The following PPP1R12A variants were observed in gnomAD, a reference collection of about 807,000 sequenced individuals.
PPP1R12A encodes myosin binding subunit.
A neutral mutation model predicts 139.6 loss-of-function variants in PPP1R12A; 19 were observed. The observed-to-expected ratio is 0.14, with a 90% CI of 0.09 to 0.20. The LOEUF is 0.20. PPP1R12A is among the 10% of genes least tolerant of loss of function. PPP1R12A has a pLI of 1.00. For missense variants in PPP1R12A, 925 were observed against 1,211.5 expected (o/e 0.76, Z 3.51); for synonymous variants, 427 against 420.6 (o/e 1.02, Z -0.19).
At chr12:79,791,626 C>T (rs2137009287) in intron 19 of PPP1R12A, among the ~76,000 whole-genome samples, 1 of 152,214 alleles carries the variant, frequency 6.6e-6, no homozygotes, top group South Asian at 2.1e-4. Flanking sequence ...CCATGCCCGG[C>T]CTAGCATTAT....
chr12:79,935,188 A>G, upstream of PPP1R12A: 1 of 1,320,204 alleles, frequency 7.6e-7, no homozygotes, highest in Non-Finnish European at 9.7e-7. Context: ...CGGCCAATCT[A>G]ACGTAACTTC....
chr12:79,802,658 G>A (rs148701206), intron 14 of PPP1R12A, among the ~76,000 whole-genome samples: 44 of 152,210 alleles, frequency 2.9e-4, no homozygotes, highest in Middle Eastern at 3.4e-3. Flanking sequence ...TGGCACACCT[G>A]TAGTCCTAGC....
intron 11 of PPP1R12A, among the ~76,000 whole-genome samples, chr12:79,808,028 T>A (rs1874068605): frequency 6.6e-6 from 1 of 151,176 alleles, no homozygotes; most frequent in South Asian, 2.1e-4. Context: ...AGAGCGAGAC[T>A]CTGTCTCAAA....
rs117065452 is a variant in PPP1R12A at position 79,917,185 on chromosome 12, T to C, written c.237+17510A>G. On this transcript the variant is annotated intron_variant, in intron 1 of 24. Transcript: ENST00000450142. ...TTGAAAAGGGAAAAAGATGCCATGTTATACAGAGTTAAGAGTTTAGGCCGG... is the reference window on the plus strand; with the variant it reads ...TTGAAAAGGGAAAAAGATGCCATGTCATACAGAGTTAAGAGTTTAGGCCGG... Among the ~76,000 whole-genome samples the C allele has an allele frequency of 5.3e-4, 80 of 152,266 alleles. No individual in the cohort carries two copies. The East Asian group carries it at 0.012, about 22-fold the overall frequency.
chr12:79,930,815 T>C (rs1482643592), intron 1 of PPP1R12A, among the ~76,000 whole-genome samples: 10 of 151,892 alleles, frequency 6.6e-5, no homozygotes, highest in African/African-American at 1.9e-4. Context: ...ATGAACTAGG[T>C]TGCCAGTAAA....
At chr12:79,935,368 C>A, upstream of PPP1R12A, 1 of 999,614 alleles carries the variant, frequency 1.0e-6, no homozygotes, top group Non-Finnish European at 1.2e-6. Context: ...AAGGAGGAAG[C>A]GGGGAAGGAA....
rs746798118 is a variant in PPP1R12A at position 79,828,439 on chromosome 12, C to T, written c.673G>A (p.Val225Ile). ...LKLLIQAGYDVNIKDYDGWTP... is the reference protein window; with the variant it reads ...LKLLIQAGYDINIKDYDGWTP... ...CAGCCATCATAGTCTTTAATATTAA[C>T]ATCATAGCCTGCCTGTATTAAAAGT... Residue 225 changes from valine to isoleucine, a missense_variant, in exon 5 of 25, where the codon GTT becomes ATT. Transcript: ENST00000450142. The T allele has an allele frequency of 3.7e-6, 6 of 1,606,324 alleles. No individual in the cohort carries two copies. The highest frequency in any genetic ancestry group is 4.3e-6 in the Non-Finnish European group (5 of 1,174,680).
chr12:79,862,340 T>C (rs1271828826), intron 2 of PPP1R12A, among the ~76,000 whole-genome samples: 1 of 152,082 alleles, frequency 6.6e-6, no homozygotes, highest in Non-Finnish European at 1.5e-5. Flanking sequence ...CAAAGGTAGA[T>C]AAAACCACAA....
intron 5 of PPP1R12A, among the ~76,000 whole-genome samples, chr12:79,827,820 T>G (rs117644671): frequency 6.6e-6 from 1 of 152,114 alleles, no homozygotes; most frequent in Non-Finnish European, 1.5e-5. Context: ...ATGATCCCCT[T>G]TGGCATAAAA....
Position 79,806,190 on chromosome 12 carries a change from G to A in PPP1R12A, c.1799C>T (p.Ser600Phe), listed in dbSNP as rs756890123. Residue 600 changes from serine (S) to phenylalanine (F), a missense_variant, in exon 13 of 25, where the codon TCT becomes TTT. Physicochemically the swap from Ser to Phe is radical, Grantham distance 155 (BLOSUM62 -2). This residue lies in a region of PPP1R12A where 403 missense variants were observed against 463.7 expected (regional missense o/e 0.87). Coordinates refer to ENST00000450142, the MANE Select transcript of PPP1R12A (RefSeq NM_002480.3). ...CCTGCTTTGTGTGCCTGCTGAGGAAGAACCCGTTGTAATCTTTGTAGTAGT... is the reference window on the plus strand; with the variant it reads ...CCTGCTTTGTGTGCCTGCTGAGGAAAAACCCGTTGTAATCTTTGTAGTAGT... ...TSTTTKITTG[S>F]SSAGTQSSTS... is the part of the protein sequence containing the mutation. The A allele has an allele frequency of 6.2e-7, 1 of 1,613,914 alleles. No individual in the cohort carries two copies. The highest frequency in any genetic ancestry group is 8.5e-7 in the Non-Finnish European group (1 of 1,179,802).
chr12:79,934,136 AT>A (rs1432093616), intron 1 of PPP1R12A, among the ~76,000 whole-genome samples: 7 of 152,190 alleles, frequency 4.6e-5, no homozygotes, highest in African/African-American at 1.7e-4. Context: ...AGAGTAATAA[AT>A]GAGAAAACAG....
chr12:79,856,973 T>C (rs1297445896), intron 2 of PPP1R12A, among the ~76,000 whole-genome samples: 1 of 152,186 alleles, frequency 6.6e-6, no homozygotes. Context: ...TTAAAAGAAC[T>C]TTATCATATA....
chr12:79,808,508 A>T lies in PPP1R12A; in HGVS notation c.1525T>A (p.Ser509Thr), dbSNP rs1874135382. 6.2e-7 allele frequency: 1 copy of T among 1,606,728 alleles called. No homozygotes were observed. The highest frequency in any genetic ancestry group is 8.5e-7 in the Non-Finnish European group (1 of 1,174,402). ...CTGTTTTCTTTCTCTTCAATGTCAGATGTACTGGCTAGTCGTCTTGGTATT... is the reference window on the plus strand; with the variant it reads ...CTGTTTTCTTTCTCTTCAATGTCAGTTGTACTGGCTAGTCGTCTTGGTATT... ...PTIPRRLAST[S>T]DIEEKENRDS... is the part of the protein sequence containing the mutation. Residue 509 changes from serine (S) to threonine (T), a missense_variant, in exon 11 of 25, where the codon TCT becomes ACT. Physicochemically the swap from Ser to Thr is moderately conservative, Grantham distance 58. Transcript: ENST00000450142.
chr12:79,821,876 G>A (rs954562788), intron 6 of PPP1R12A, among the ~76,000 whole-genome samples: 1 of 151,904 alleles, frequency 6.6e-6, no homozygotes, highest in Non-Finnish European at 1.5e-5. Context: ...TTATAAAAAC[G>A]TTATTCTTGA....
chr12:79,888,679 ACGTGCCATGGAAC>A (rs1420816900), intron 1 of PPP1R12A, among the ~76,000 whole-genome samples: 2 of 152,190 alleles, frequency 1.3e-5, no homozygotes, highest in African/African-American at 4.8e-5. Flanking sequence ...GCACTTTTAT[ACGTGCCATGGAAC>A]TGTTCCAGGT....
chr12:79,911,770 T>C (rs759814173), intron 1 of PPP1R12A, among the ~76,000 whole-genome samples: 12 of 152,078 alleles, frequency 7.9e-5, no homozygotes, highest in Admixed American at 2.0e-4. Flanking sequence ...CTCTTGCCTC[T>C]ACTCCCGTAT....
At position 79,798,591 on chromosome 12, in the gene PPP1R12A, T is replaced by C. The variant is rs1331999501; in HGVS notation, c.2001-7A>G. ...AACAGGAGTGAGGTATGATCTACAG[T>C]AGTAAATTGAAAAATCGTTAGTTGT... On this transcript the variant is annotated splice_polypyrimidine_tract_variant and splice_region_variant and intron_variant, in intron 14 of 24. Transcript: ENST00000450142. 7 of 1,505,024 alleles carry C rather than the reference T, an allele frequency of 4.7e-6. No homozygotes were observed. Among genetic ancestry groups the C allele is most frequent in the Non-Finnish European group, 6.3e-6 (7 of 1,109,552 alleles). The allele number at this position is 1,505,024 out of a possible 1,614,324, so 93.2% of individuals were successfully genotyped here.
At chr12:79,853,033 T>G (rs1880242288) in intron 2 of PPP1R12A, among the ~76,000 whole-genome samples, 1 of 152,188 alleles carries the variant, frequency 6.6e-6, no homozygotes. Flanking sequence ...AAGTCCCAAC[T>G]CTGTACCTGG....
At chr12:79,787,389 C>T (rs1026947908) in intron 21 of PPP1R12A, 3 of 152,232 alleles carry the variant, frequency 2.0e-5, no homozygotes, top group Non-Finnish European at 2.9e-5. Flanking sequence ...ATTCTCCCCC[C>T]ACCAGGTCTA....
Sources: allele counts gnomAD v4.1 joint callset (sites outside exome capture counted in the v4.1 genomes callset), GRCh38; gene constraint gnomAD v4.1.1; regional missense constraint gnomAD v4.1.1; transcripts MANE v1.5; gene names NCBI Gene and HGNC (gene_info 2026-07-23, HGNC 2026-07-21).